MID2: variants seen among roughly 807,000 people sequenced by gnomAD.
MID2 encodes probable E3 ubiquitin-protein ligase MID2.
A neutral mutation model predicts 46.1 loss-of-function variants in MID2; 13 were observed. The observed-to-expected ratio is 0.28, with a 90% CI of 0.18 to 0.45. MID2 has a LOEUF of 0.45. MID2 is among the 20% of genes least tolerant of loss of function. MID2 has a pLI of 1.00. For synonymous variants in MID2, 199 were observed against 212.3 expected, an observed-to-expected ratio of 0.94 and a Z score of 0.55; for missense variants, 431 against 575.4, an observed-to-expected ratio of 0.75 and a Z score of 2.57.
At chrX:107,866,835 T>G (rs1931968904) in intron 3 of MID2, among the ~76,000 whole-genome samples, 1 of 112,332 alleles carries the variant, frequency 8.9e-6, no homozygotes, top group Non-Finnish European at 1.9e-5. Context: ...TAACATCTAT[T>G]GTTTATTAAC....
intron 3 of MID2, among the ~76,000 whole-genome samples, chrX:107,888,713 G>C (rs898804693): frequency 9.0e-6 from 1 of 111,303 alleles, no homozygotes; most frequent in African/African-American, 3.3e-5. Flanking sequence ...TTGACAATGC[G>C]GGGGTGTTAA....
chrX:107,840,540 T>C, intron 1 of MID2, 130 bp from the exon 2 acceptor site: 3 of 503,820 alleles, frequency 6.0e-6, no homozygotes, highest in Non-Finnish European at 1.0e-5. Flanking sequence ...AGTTCCCAAA[T>C]TGCTTTTCTA....
intron 3 of MID2, among the ~76,000 whole-genome samples, chrX:107,889,833 C>G (rs888751844): frequency 1.8e-5 from 2 of 110,633 alleles, no homozygotes; most frequent in Non-Finnish European, 3.8e-5. Context: ...TTTCTTTTTT[C>G]TCTAAACTTC....
At chrX:107,879,052 G>A (rs1274264617) in intron 3 of MID2, among the ~76,000 whole-genome samples, 1 of 111,136 alleles carries the variant, frequency 9.0e-6, no homozygotes, top group Admixed American at 9.6e-5. Context: ...CAGGGCGAGT[G>A]CTTTTGGGTG....
intron 3 of MID2, among the ~76,000 whole-genome samples, chrX:107,887,100 T>C (rs1473183430): frequency 1.8e-5 from 2 of 111,470 alleles, no homozygotes; most frequent in African/African-American, 3.3e-5. Flanking sequence ...CTTTTCCTAA[T>C]TGAATACCCT....
intron 4 of MID2, 68 bp from the exon 5 acceptor site, chrX:107,905,409 GT>G (rs1480981900): frequency 2.2e-6 from 2 of 909,997 alleles, no homozygotes; most frequent in Non-Finnish European, 3.1e-6. Flanking sequence ...CCTTCATGTT[GT>G]TTTTTATTGT....
At chrX:107,831,574 C>A (rs1049867527) in intron 1 of MID2, among the ~76,000 whole-genome samples, 7 of 111,836 alleles carry the variant, frequency 6.3e-5, no homozygotes, top group Middle Eastern at 4.6e-3. Context: ...CATGTGGTTC[C>A]CAGGGAAGTA....
chrX:107,899,698 T>C (rs1932779788), intron 3 of MID2, among the ~76,000 whole-genome samples: 2 of 110,888 alleles, frequency 1.8e-5, no homozygotes, highest in South Asian at 3.9e-4. Context: ...TTTATACAAG[T>C]AGGTTGCCAA....
intron 2 of MID2, among the ~76,000 whole-genome samples, chrX:107,846,073 G>A (rs1303413071): frequency 9.0e-6 from 1 of 111,250 alleles, no homozygotes; most frequent in African/African-American, 3.3e-5. Context: ...GTGAGAGTGT[G>A]TAAATCTTCT....
intron 3 of MID2, among the ~76,000 whole-genome samples, chrX:107,887,593 G>T (rs1488286935): frequency 9.0e-6 from 1 of 111,221 alleles, no homozygotes; most frequent in African/African-American, 3.3e-5. Context: ...CTCTTTTTTT[G>T]TTGTGTCTCT....
At chrX:107,851,467 C>G (rs1270430981) in intron 2 of MID2, among the ~76,000 whole-genome samples, 1 of 111,561 alleles carries the variant, frequency 9.0e-6, no homozygotes, top group Non-Finnish European at 1.9e-5. Flanking sequence ...CAGTTTGGCC[C>G]AGACTTGCAT....
intron 3 of MID2, among the ~76,000 whole-genome samples, chrX:107,864,658 T>C (rs908407162): frequency 2.5e-4 from 28 of 111,840 alleles, no homozygotes; most frequent in African/African-American, 9.1e-4. Flanking sequence ...CTCTCAAAAG[T>C]ATAATTAATG....
Position 107,867,335 on chromosome X carries a change from G to A in MID2, c.816+12631G>A, listed in dbSNP as rs867387674. Among the ~76,000 whole-genome samples, 431 of 77,482 alleles carry A rather than the reference G, an allele frequency of 5.6e-3. 2 individuals are homozygous for A. Among genetic ancestry groups the A allele is most frequent in the African/African-American group, 0.02 (413 of 20,253 alleles). The allele number at this position is 77,482 out of a possible 115,157, so 67.3% of individuals were successfully genotyped here. A position where few individuals can be genotyped will look rare whatever the true frequency, so the allele number is the denominator to read the frequency against. On this transcript the variant is annotated intron_variant, in intron 3 of 9. Transcript: ENST00000262843. ...CCAGCTAATTTTTTTTTTTTTTTTT[G>A]TATTTTTAGTAGAGACGGGGTTTCA...
intron 3 of MID2, among the ~76,000 whole-genome samples, chrX:107,893,609 G>A (rs1275958486): frequency 1.8e-5 from 2 of 112,186 alleles, no homozygotes; most frequent in African/African-American, 3.2e-5. Context: ...ATATTGTGAA[G>A]CACTTTTCCA....
intron 1 of MID2, among the ~76,000 whole-genome samples, chrX:107,832,936 A>G (rs185579133): frequency 1.8e-5 from 2 of 111,477 alleles, no homozygotes; most frequent in Non-Finnish European, 3.8e-5. Flanking sequence ...CCCCAAATAT[A>G]TTCTCATTAG....
intron 1 of MID2, among the ~76,000 whole-genome samples, chrX:107,833,621 G>A (rs1290850923): frequency 2.7e-5 from 3 of 109,659 alleles, no homozygotes; most frequent in East Asian, 5.7e-4. Context: ...AATTAAGTGG[G>A]CATTTAATTA....
At position 107,927,886 on chromosome X, in the gene MID2, C is replaced by T. The variant is rs1210973743; in HGVS notation, c.*813C>T. 1.8e-5 allele frequency among the ~76,000 whole-genome samples: 2 copies of T among 111,356 alleles called. No individual in the cohort carries two copies. The highest frequency in any genetic ancestry group is 6.5e-5 in the African/African-American group (2 of 30,618). The stretch of plus-strand genomic sequence containing the variant: ...CTGTCACGCACACATACACATGCAA[C>T]CATGACACAGATAATGGGAAGAGCT... On this transcript the variant is annotated 3_prime_UTR_variant, in exon 10 of 10. Coordinates refer to ENST00000262843, the MANE Select transcript of MID2 (RefSeq NM_012216.4).
intron 3 of MID2, among the ~76,000 whole-genome samples, chrX:107,872,860 C>T (rs1477503269): frequency 8.9e-6 from 1 of 111,775 alleles, no homozygotes; most frequent in African/African-American, 3.3e-5. Context: ...TGAGAAAAGG[C>T]CATCCATACA....
chrX:107,926,411 G>A, intron 9 of MID2, 110 bp downstream of exon 9: 1 of 758,918 alleles, frequency 1.3e-6, no homozygotes, highest in Non-Finnish European at 1.9e-6. Flanking sequence ...TAAAAGGTAT[G>A]TGATGAAAAC....
Sources: allele counts gnomAD v4.1 joint callset (sites outside exome capture counted in the v4.1 genomes callset), GRCh38; gene constraint gnomAD v4.1.1; transcripts MANE v1.5; gene names NCBI Gene and HGNC (gene_info 2026-07-23, HGNC 2026-07-21).